OBSL1: variants seen among roughly 807,000 people sequenced by gnomAD.
OBSL1 encodes the protein obscurin like cytoskeletal adaptor 1, also known as obscurin-like protein 1.
In OBSL1, 160 loss-of-function variants were observed where a neutral mutation model predicts 172.0. The ratio of observed to expected loss-of-function variants is 0.93; its 90% confidence interval spans 0.82 to 1.06. The LOEUF (loss-of-function observed/expected upper bound fraction) is 1.06. Among genes scored for constraint, OBSL1 ranks in the 50% least tolerant of loss-of-function variants. The pLI is 0.00. For synonymous variants in OBSL1, 1,200 were observed against 1,196.3 expected, an observed-to-expected ratio of 1.00 and a Z score of -0.06; for missense variants, 2,681 against 2,715.4, an observed-to-expected ratio of 0.99 and a Z score of 0.28.
At chr2:219,557,732 G>T in intron 11 of OBSL1, 91 bp downstream of exon 11, 1 of 1,539,366 alleles carries the variant, frequency 6.5e-7, no homozygotes, top group Non-Finnish European at 8.7e-7. Flanking sequence ...GATGGGCAAG[G>T]CATGCTGGAA....
chr2:219,552,882 C>T lies in OBSL1; in HGVS notation c.5132G>A (p.Arg1711His). Residue 1711 changes from arginine to histidine, a missense_variant, in exon 17 of 21, where the codon CGC (arginine) becomes CAC (histidine). Around this residue, in one of 5 missense-constraint regions of OBSL1, gnomAD observed 1,765 missense variants for 1,748.3 expected, o/e 1.01. Transcript: ENST00000404537. ...CCCGTACCCACCGCGCACGGTCAGG[C>T]GGACCGGTCCGGCGCGGGCCGTCCC... ...AVGTARAGPV[R>H]LTVRERTVAV... is the part of the protein sequence containing the mutation. 1.3e-6 allele frequency: 2 copies of T among 1,541,790 alleles called. No individual in the cohort carries two copies. Among genetic ancestry groups the T allele is most frequent in the Non-Finnish European group, 1.7e-6 (2 of 1,145,290 alleles).
In OBSL1 at chr2:219,556,234, A is replaced by G. The variant is rs10932816; in HGVS notation, c.4395T>C (p.Asp1465=). 0.99 allele frequency: 1,597,188 copies of G among 1,606,390 alleles called. 794,412 individuals carry two copies. The highest frequency in any genetic ancestry group is 1 in the East Asian group (44,702 of 44,702). Residue 1465 remains aspartate (D), a synonymous_variant, in exon 14 of 21, where the codon GAT becomes GAC. Transcript: ENST00000404537. ...LQDVRAEEGQ[D]VCLEVETGRV... ...GGCCTGTCTCCACTTCGAGACACAC[A>G]TCCTGGCCTTCCTCTGCCCGCACAT...
In OBSL1 at chr2:219,559,485, C is replaced by T. The variant is rs748556817; in HGVS notation, c.2966G>A (p.Arg989Gln). Reference sequence around the variant, plus strand: ...CACCTCATCGCGAGGGTATATGATCCGCACTGGGGGTTCTGCAGGGTGGGG... The same window carrying T: ...CACCTCATCGCGAGGGTATATGATCTGCACTGGGGGTTCTGCAGGGTGGGG... ...FTVTVTEPPV[R>Q]IIYPRDEVTL... Residue 989 changes from arginine (R) to glutamine (Q), a missense_variant, in exon 9 of 21, where the codon CGG (arginine) becomes CAG (glutamine). By Grantham distance (43) the Arg-to-Gln change is conservative. This residue lies in a region of OBSL1 where 1,765 missense variants were observed against 1,748.3 expected (regional missense o/e 1.01). Transcript: ENST00000404537. The T allele has an allele frequency of 1.1e-5, 17 of 1,610,284 alleles. No individual in the cohort carries two copies. Among genetic ancestry groups the T allele is most frequent in the Middle Eastern group, 1.6e-4 (1 of 6,068 alleles).
chr2:219,556,063 G>A lies in OBSL1; in HGVS notation c.4566C>T (p.Cys1522=), dbSNP rs3087971. Residue 1522 remains cysteine, a synonymous_variant, in exon 14 of 21, where the codon TGC becomes TGT. Coordinates refer to ENST00000404537, the MANE Select transcript of OBSL1 (RefSeq NM_015311.3). The part of the protein sequence containing the change: ...VILADQGTYG[C]ESHHDRTLAR... ...CCAGGGTGCGATCGTGGTGGCTCTCGCAGCCGTAGGTGCCCTGGTCGGCCA... is the reference window on the plus strand; with the variant it reads ...CCAGGGTGCGATCGTGGTGGCTCTCACAGCCGTAGGTGCCCTGGTCGGCCA... The A allele has an allele frequency of 0.27, 432,606 of 1,613,442 alleles. 59,789 individuals carry two copies. Among genetic ancestry groups the A allele is most frequent in the Admixed American group, 0.31 (18,459 of 60,016 alleles).
rs372837798 is a variant in OBSL1 at position 219,565,343 on chromosome 2, C to T, written c.2306G>A (p.Arg769His). ...CTCAGGCAGGATCAGACGGTGTTTG[C>T]GCCCATCCATCTTCACCACCAGCAA... is the stretch of plus-strand genomic sequence containing the variant. ...SELLVVKMDG[R>H]KHRLILPEAK... The change falls in exon 6 of 21, where the codon CGC (arginine) becomes CAC (histidine). Residue 769 changes from arginine (R) to histidine (H), a missense_variant. Transcript: ENST00000404537. 41 of 1,613,892 alleles carry T rather than the reference C, an allele frequency of 2.5e-5. No individual in the cohort carries two copies. The highest frequency in any genetic ancestry group is 6.6e-5 in the South Asian group (6 of 91,088).
In OBSL1 at chr2:219,551,612, A is replaced by ATGACCAG. The variant is rs980683424; in HGVS notation, c.5593_5599dup (p.Ile1867ThrfsTer5). The ATGACCAG allele has an allele frequency of 2.5e-6, 4 of 1,611,418 alleles. No homozygotes were observed. The highest frequency in any genetic ancestry group is 3.4e-6 in the Non-Finnish European group (4 of 1,179,006). On this transcript the variant is annotated frameshift_variant, in exon 20 of 21. Coordinates refer to ENST00000404537, the MANE Select transcript of OBSL1 (RefSeq NM_015311.3). LOFTEE classifies it high-confidence loss of function. Reference sequence around the variant, plus strand: ...TTGGTCCTCAGGTCGAACGTCATGGATGACCAGGCTGTGGGTGGGGCCGTG... The same window carrying ATGACCAG: ...TTGGTCCTCAGGTCGAACGTCATGGATGACCAGTGACCAGGCTGTGGGTGGGGCCGTG...
chr2:219,549,466 C>T, downstream of OBSL1: 1 of 1,371,414 alleles, frequency 7.3e-7, no homozygotes, highest in African/African-American at 1.5e-5. Flanking sequence ...CCTGTTTGTC[C>T]ATGAACTGTT....
rs754132672 is a variant in OBSL1, at chr2:219,563,537, C to G, written c.2498G>C (p.Arg833Pro). 3 of 1,613,974 alleles carry G rather than the reference C, an allele frequency of 1.9e-6. No individual in the cohort carries two copies. Among genetic ancestry groups the G allele is most frequent in the Admixed American group, 1.7e-5 (1 of 60,022 alleles). The change falls in exon 7 of 21, where the codon CGA becomes CCA. Residue 833 changes from arginine (R) to proline (P), a missense_variant. Physicochemically the swap from Arg to Pro is moderately radical, Grantham distance 103. Coordinates refer to ENST00000404537, the MANE Select transcript of OBSL1 (RefSeq NM_015311.3). ...ECVMLACEVD[R>P]EDAPVRWYKD... ...GTACCAACGCACAGGGGCGTCCTCT[C>G]GGTCCACCTCACAGGCCAGCATGAC...
At chr2:219,552,768 C>T (rs1695727717) in intron 17 of OBSL1, 71 bp from the exon 18 acceptor site, 9 of 1,515,006 alleles carry the variant, frequency 5.9e-6, no homozygotes, top group South Asian at 1.2e-5. Flanking sequence ...CTCCACGCCC[C>T]CTTTCTAGAA....
At position 219,556,296 on chromosome 2, in the gene OBSL1, G is replaced by T; in HGVS notation, c.4337-4C>A. ...CGTAGGAACAGCAGCTCTGTCTCTG[G>T]TGGGGAAGAAGGAGGCCATGGAGTC... is the stretch of plus-strand genomic sequence containing the variant. On this transcript the variant is annotated splice_region_variant and splice_polypyrimidine_tract_variant and intron_variant, in intron 13 of 20. Coordinates refer to ENST00000404537, the MANE Select transcript of OBSL1 (RefSeq NM_015311.3). The T allele has an allele frequency of 6.3e-7, 1 of 1,576,566 alleles. No homozygotes were observed. The highest frequency in any genetic ancestry group is 8.6e-7 in the Non-Finnish European group (1 of 1,158,006).
In OBSL1 at chr2:219,562,457, G is replaced by A. The variant is rs373574206; in HGVS notation, c.2898C>T (p.Gly966=). The stretch of plus-strand genomic sequence containing the variant: ...CATCGTCAATTTCACACAAGTACTC[G>A]CCGGAGTCCTCGAGCTGGACAGCGG... ...VLPAVQLEDS[G]EYLCEIDDES... Residue 966 remains glycine, a synonymous_variant, in exon 8 of 21, where the codon GGC becomes GGT. Transcript: ENST00000404537. The A allele has an allele frequency of 1.9e-6, 3 of 1,613,952 alleles. No individual in the cohort carries two copies. The highest frequency in any genetic ancestry group is 2.2e-5 in the East Asian group (1 of 44,888).
In OBSL1 at chr2:219,552,230, G is replaced by A; in HGVS notation, c.5309-14C>T. On this transcript the variant is annotated splice_polypyrimidine_tract_variant and intron_variant, in intron 18 of 20. Transcript: ENST00000404537. ...TGTGTTTCTTCCCTGGGGGTGAGGG[G>A]GTCGCTAGCGAGGCCGGAGCCACCT... The A allele has an allele frequency of 1.9e-6, 3 of 1,580,898 alleles. No homozygotes were observed. The highest frequency in any genetic ancestry group is 2.3e-5 in the East Asian group (1 of 43,230).
intron 9 of OBSL1, among the ~76,000 whole-genome samples, 199 bp from the exon 10 acceptor site, chr2:219,558,658 C>T (rs557699067): frequency 2.0e-5 from 3 of 152,342 alleles, no homozygotes; most frequent in Admixed American, 2.0e-4. Context: ...TGACCACCCT[C>T]AAGAGGTGCA....
At chr2:219,551,301 G>A (rs868759367) in intron 20 of OBSL1, 269 of 1,410,262 alleles carry the variant, frequency 1.9e-4, no homozygotes, top group Middle Eastern at 7.8e-4. Flanking sequence ...AAGAAGGGGC[G>A]TAGAAAGGTG....
In OBSL1 at chr2:219,557,366, C is replaced by A. The variant is rs866958379; in HGVS notation, c.4043G>T (p.Arg1348Leu). The A allele has an allele frequency of 6.6e-7, 1 of 1,511,854 alleles. No homozygotes were observed. The highest frequency in any genetic ancestry group is 1.3e-5 in the South Asian group (1 of 78,194). 93.7% of individuals were successfully genotyped at this position (1,511,854 alleles called of 1,614,324 possible). Residue 1348 changes from arginine to leucine, a missense_variant, in exon 12 of 21, where the codon CGC (arginine) becomes CTC (leucine). Coordinates refer to ENST00000404537, the MANE Select transcript of OBSL1 (RefSeq NM_015311.3). ...ACCTTCCACGCTGACAAGGAAGATGCGGCTGTCCTGGGGCGCATCGCACAG... is the reference window on the plus strand; with the variant it reads ...ACCTTCCACGCTGACAAGGAAGATGAGGCTGTCCTGGGGCGCATCGCACAG... Reference protein sequence around the residue: ...EYLCDAPQDSRIFLVSVEEPL... With the variant: ...EYLCDAPQDSLIFLVSVEEPL...
At chr2:219,549,264 C>T (rs753115348), downstream of OBSL1, 60 of 1,613,842 alleles carry the variant, frequency 3.7e-5, no homozygotes, top group Non-Finnish European at 4.5e-5. Context: ...TCAGAGGTCC[C>T]CGGGCTCCTC....
At position 219,570,855 on chromosome 2, in the gene OBSL1, G is replaced by A; in HGVS notation, c.378C>T (p.Gly126=). 1.1e-5 allele frequency: 15 copies of A among 1,427,506 alleles called. No homozygotes were observed. Among genetic ancestry groups the A allele is most frequent in the Non-Finnish European group, 1.4e-5 (15 of 1,092,118 alleles). 88.4% of individuals were successfully genotyped at this position (1,427,506 alleles called of 1,614,324 possible). The stretch of plus-strand genomic sequence containing the variant: ...GAGGCCCCGTGAGGAAGACCGGGGC[G>A]CCCTCCCCGGACCCCGGCGATGGCA... The part of the protein sequence containing the change: ...RPLPSPGSGE[G]APVFLTGPRS... The change falls in exon 1 of 21, where the codon GGC becomes GGT. Residue 126 remains glycine (G), a synonymous_variant. Transcript: ENST00000404537.
Position 219,559,475 on chromosome 2 carries a change from G to T in OBSL1, c.2976C>A (p.Tyr992Ter), listed in dbSNP as rs1368116415. The change falls in exon 9 of 21, where the codon TAC (tyrosine) becomes TAA (stop). Residue 992 changes from tyrosine (Y) to a stop codon, truncating the protein, a stop_gained. Coordinates refer to ENST00000404537, the MANE Select transcript of OBSL1 (RefSeq NM_015311.3). LOFTEE classifies it high-confidence loss of function. Reference protein sequence around the residue: ...TVTEPPVRIIYPRDEVTLIAV... With the variant: ...TVTEPPVRII The stretch of plus-strand genomic sequence containing the variant: ...CGATCAAGGTCACCTCATCGCGAGG[G>T]TATATGATCCGCACTGGGGGTTCTG... 7.4e-6 allele frequency: 12 copies of T among 1,613,574 alleles called. No homozygotes were observed. Among genetic ancestry groups the T allele is most frequent in the Non-Finnish European group, 7.6e-6 (9 of 1,179,724 alleles).
chr2:219,555,755 AG>A, intron 14 of OBSL1: 1 of 1,351,000 alleles, frequency 7.4e-7, no homozygotes, highest in Non-Finnish European at 9.5e-7. Context: ...GCCCATGGCA[AG>A]TCTTTCTGGA....
Sources: gnomAD v4.1 joint callset for allele counts (sites outside exome capture counted in the v4.1 genomes callset) on GRCh38, gnomAD v4.1.1 for gene constraint, gnomAD v4.1.1 regional missense constraint, MANE v1.5 for transcripts, NCBI Gene and HGNC (gene_info 2026-07-23, HGNC 2026-07-21) for gene names.